SLC4A10: variants seen among roughly 807,000 people sequenced by gnomAD.
SLC4A10 encodes sodium-driven chloride bicarbonate exchanger.
In SLC4A10, 42 loss-of-function variants were observed where a neutral mutation model predicts 137.7. The ratio of observed to expected loss-of-function variants is 0.30; its 90% CI spans 0.24 to 0.39. SLC4A10 has a LOEUF of 0.39. SLC4A10 is among the 10% of genes least tolerant of loss of function. The pLI is 1.00. For missense variants in SLC4A10, 925 were observed against 1,355.0 expected (o/e 0.68, Z 4.98); for synonymous variants, 474 against 464.1 (o/e 1.02, Z -0.27).
At chr2:161,788,664 G>A (rs551258915) in intron 2 of SLC4A10, among the ~76,000 whole-genome samples, 1 of 152,248 alleles carries the variant, frequency 6.6e-6, no homozygotes, top group African/African-American at 2.4e-5. Flanking sequence ...TGCCCCTTTG[G>A]TGGCTACCAC....
At chr2:161,628,958 G>C (rs1445039551) in intron 1 of SLC4A10, among the ~76,000 whole-genome samples, 2 of 151,986 alleles carry the variant, frequency 1.3e-5, no homozygotes, top group Admixed American at 6.6e-5. Flanking sequence ...CAGTCAGAGA[G>C]CATGGTCAGA....
At chr2:161,885,037 G>A (rs142880136) in intron 10 of SLC4A10, among the ~76,000 whole-genome samples, 1 of 152,114 alleles carries the variant, frequency 6.6e-6, no homozygotes, top group Non-Finnish European at 1.5e-5. Context: ...AATTAGCTGG[G>A]TGTGGTGGCA....
intron 1 of SLC4A10, among the ~76,000 whole-genome samples, chr2:161,669,961 T>C (rs2039502419): frequency 6.6e-6 from 1 of 152,114 alleles, no homozygotes; most frequent in Non-Finnish European, 1.5e-5. Context: ...GATCTGTTGT[T>C]AAACTGTTAA....
intron 6 of SLC4A10, among the ~76,000 whole-genome samples, chr2:161,870,718 C>T (rs1325729046): frequency 1.3e-5 from 2 of 151,706 alleles, no homozygotes; most frequent in African/African-American, 4.8e-5. Flanking sequence ...GTCATAGCTG[C>T]ACATTGTGGT....
At chr2:161,920,498 G>C (rs1485390716) in intron 15 of SLC4A10, among the ~76,000 whole-genome samples, 4 of 152,130 alleles carry the variant, frequency 2.6e-5, no homozygotes, top group African/African-American at 9.7e-5. Context: ...CAAAATAAAG[G>C]GTTGCAAAAG....
chr2:161,812,170 A>G (rs149056326), intron 3 of SLC4A10, among the ~76,000 whole-genome samples: 2 of 152,024 alleles, frequency 1.3e-5, no homozygotes, highest in African/African-American at 4.8e-5. Context: ...GTGTCCCTTA[A>G]TGAAGAAAAT....
chr2:161,733,169 A>G (rs909160299), intron 1 of SLC4A10, among the ~76,000 whole-genome samples: 43 of 152,168 alleles, frequency 2.8e-4, no homozygotes, highest in Non-Finnish European at 2.1e-4. Context: ...TCCCCAAGAC[A>G]ATGGGGAAAA....
rs2125521730 is a variant in SLC4A10, at chr2:161,789,116, C to A, written c.131-15333C>A. On this transcript the variant is annotated intron_variant, in intron 2 of 26. Coordinates refer to ENST00000446997, the MANE Select transcript of SLC4A10 (RefSeq NM_001178015.2). The stretch of plus-strand genomic sequence containing the variant: ...CAATGAGTGCACAACCAGTGTGGCA[C>A]CTGCCATCTCAGTTAGGGCCTGAGG... 1.3e-5 allele frequency among the ~76,000 whole-genome samples: 2 copies of A among 152,330 alleles called. 1 individual carries two copies. Among genetic ancestry groups the A allele is most frequent in the Middle Eastern group, 6.8e-3 (2 of 294 alleles).
In SLC4A10 at chr2:161,716,945, C is replaced by T. The variant is rs183053943; in HGVS notation, c.49-54028C>T. ...TTATCCATGAGTGTGGATTGTTTTTCGATTTGTTTGAGTCATCTCTGATTT... is the reference window on the plus strand; with the variant it reads ...TTATCCATGAGTGTGGATTGTTTTTTGATTTGTTTGAGTCATCTCTGATTT... On this transcript the variant is annotated intron_variant, in intron 1 of 26. Transcript: ENST00000446997. Among the ~76,000 whole-genome samples the T allele has an allele frequency of 2.5e-3, 383 of 152,106 alleles. 1 individual carries two copies. The highest frequency in any genetic ancestry group is 8.7e-3 in the African/African-American group (362 of 41,480).
intron 1 of SLC4A10, among the ~76,000 whole-genome samples, chr2:161,748,878 C>T (rs962368833): frequency 3.3e-5 from 5 of 151,964 alleles, no homozygotes; most frequent in Admixed American, 3.3e-4. Context: ...GTAGTATAGG[C>T]ATTTTAAGAA....
At chr2:161,791,009 C>T (rs1387349355) in intron 2 of SLC4A10, among the ~76,000 whole-genome samples, 1 of 152,114 alleles carries the variant, frequency 6.6e-6, no homozygotes. Context: ...TTCCTTTACA[C>T]TATTGGTGGA....
At chr2:161,757,060 G>A (rs903624150) in intron 1 of SLC4A10, among the ~76,000 whole-genome samples, 15 of 152,110 alleles carry the variant, frequency 9.9e-5, no homozygotes, top group African/African-American at 3.6e-4. Context: ...ATAAGCAAAA[G>A]CTAAACATTG....
At chr2:161,663,207 C>T (rs1351821367) in intron 1 of SLC4A10, among the ~76,000 whole-genome samples, 1 of 152,058 alleles carries the variant, frequency 6.6e-6, no homozygotes, top group Non-Finnish European at 1.5e-5. Flanking sequence ...TTTTAAAATA[C>T]TGGAACCAAA....
At chr2:161,906,169 A>C (rs1213358939) in intron 15 of SLC4A10, among the ~76,000 whole-genome samples, 2 of 152,222 alleles carry the variant, frequency 1.3e-5, no homozygotes, top group African/African-American at 2.4e-5. Flanking sequence ...ATTCCATTTT[A>C]ATATACACGA....
chr2:161,871,156 G>T lies in SLC4A10; in HGVS notation c.767-1137G>T, dbSNP rs185108626. ...AATTTAAGGGAAAGCGTTTTTGTGG[G>T]GTTTTTTTGCATTTACACTGGGAGT... is the stretch of plus-strand genomic sequence containing the variant. On this transcript the variant is annotated intron_variant, in intron 6 of 26. Transcript: ENST00000446997. Among the ~76,000 whole-genome samples the T allele has an allele frequency of 4.1e-3, 624 of 151,842 alleles. 4 individuals are homozygous for T. The highest frequency in any genetic ancestry group is 0.01 in the Middle Eastern group (3 of 294).
rs1559071574 is a variant in SLC4A10, at chr2:161,705,404, G to T, written c.49-65569G>T. On this transcript the variant is annotated intron_variant, in intron 1 of 26. Transcript: ENST00000446997. ...GAGATGAAAAGCAAGAGCTAAATGA[G>T]TAGTAATTATTATAAAGAAGTTCTT... 2.0e-5 allele frequency among the ~76,000 whole-genome samples: 3 copies of T among 151,494 alleles called. No homozygotes were observed. In the Admixed American group the frequency reaches 2.0e-4, roughly 10 times the overall value.
intron 1 of SLC4A10, among the ~76,000 whole-genome samples, chr2:161,668,543 A>G (rs1404855705): frequency 6.6e-6 from 1 of 151,834 alleles, no homozygotes; most frequent in African/African-American, 2.4e-5. Flanking sequence ...GATTATTTTG[A>G]ACAGGGACTT....
chr2:161,742,761 C>T (rs375079093), intron 1 of SLC4A10, among the ~76,000 whole-genome samples: 61 of 152,126 alleles, frequency 4.0e-4, no homozygotes, highest in African/African-American at 1.4e-3. Flanking sequence ...TCTATACATC[C>T]TTGCTAGCAT....
chr2:161,925,229 G>A (rs1042178102), intron 15 of SLC4A10, among the ~76,000 whole-genome samples: 1 of 152,150 alleles, frequency 6.6e-6, no homozygotes, highest in African/African-American at 2.4e-5. Flanking sequence ...TTCAGAGCCT[G>A]TTATTGGTCT....
Sources: gnomAD v4.1 joint callset for allele counts (sites outside exome capture counted in the v4.1 genomes callset) on GRCh38, gnomAD v4.1.1 for gene constraint, MANE v1.5 for transcripts, NCBI Gene and HGNC (gene_info 2026-07-23, HGNC 2026-07-21) for gene names.